The following USP22 variants were observed in gnomAD, a reference collection of about 807,000 sequenced individuals.
The protein encoded by USP22 is ubiquitin specific peptidase 22, also known as ubiquitin carboxyl-terminal hydrolase 22.
Under a neutral mutation model 68.1 loss-of-function variants are expected in USP22, and 22 were observed. That is an observed-to-expected ratio of 0.32 (90% CI 0.23 to 0.46). USP22 has a LOEUF of 0.46. USP22 is among the 20% of genes least tolerant of loss of function. The pLI, the probability that USP22 is intolerant of heterozygous loss-of-function variation, is 1.00. For synonymous variants in USP22, 279 were observed against 274.2 expected (o/e 1.02, Z -0.17); for missense variants, 433 against 695.8 (o/e 0.62, Z 4.25).
intron 11 of USP22, among the ~76,000 whole-genome samples, 193 bp downstream of exon 11, chr17:21,004,735 G>A (rs1913724357): frequency 6.6e-6 from 1 of 152,234 alleles, no homozygotes; most frequent in Non-Finnish European, 1.5e-5. Flanking sequence ...CAACAGGAGG[G>A]AGCATTTGTG....
chr17:21,024,644 C>A (rs1335979378), intron 2 of USP22, among the ~76,000 whole-genome samples: 1 of 152,190 alleles, frequency 6.6e-6, no homozygotes, highest in Non-Finnish European at 1.5e-5. Flanking sequence ...ATTCTTAGAT[C>A]TGACACAAAA....
rs1913583243 is a variant in USP22 at position 21,001,676 on chromosome 17, A to G, written c.*1355T>C. 1.3e-5 allele frequency: 2 copies of G among 152,224 alleles called. No individual in the cohort carries two copies. The highest frequency in any genetic ancestry group is 4.8e-5 in the African/African-American group (2 of 41,438). The allele number at this position is 152,224 out of a possible 1,614,324, so 9.4% of individuals were successfully genotyped here. A position where few individuals can be genotyped will look rare whatever the true frequency, so the allele number is the denominator to read the frequency against. On this transcript the variant is annotated 3_prime_UTR_variant, in exon 13 of 13. Coordinates refer to ENST00000261497, the MANE Select transcript of USP22 (RefSeq NM_015276.2). ...TGCAGGACTGAAGAAGCCTCAGTTC[A>G]GATGCTGCTGGGGCTCCTGGGACAA...
chr17:21,003,170 T>C, intron 12 of USP22, 97 bp from the exon 13 acceptor site: 1 of 1,463,206 alleles, frequency 6.8e-7, no homozygotes, highest in South Asian at 1.1e-5. Flanking sequence ...CTCTGCGCTC[T>C]GCACAGGTCG....
intron 6 of USP22, 140 bp from the exon 7 acceptor site, chr17:21,013,075 A>G: frequency 1.6e-6 from 1 of 633,742 alleles, no homozygotes; most frequent in Non-Finnish European, 2.8e-6. Flanking sequence ...TCCTCATTTT[A>G]GCAGAGGGTG....
At chr17:21,035,955 C>A (rs1972348521) in intron 1 of USP22, among the ~76,000 whole-genome samples, 1 of 144,774 alleles carries the variant, frequency 6.9e-6, no homozygotes, top group Non-Finnish European at 1.5e-5. Flanking sequence ...GGCGTGAACC[C>A]AGGAGGCGGA....
At chr17:21,006,514 T>A (rs1913785020) in intron 10 of USP22, 1 of 151,936 alleles carries the variant, frequency 6.6e-6, no homozygotes, top group Non-Finnish European at 1.5e-5. Context: ...GTCATTTTTT[T>A]TTTTTTTTTT....
chr17:21,041,134 C>A (rs550787165), intron 1 of USP22, among the ~76,000 whole-genome samples: 17 of 152,042 alleles, frequency 1.1e-4, no homozygotes, highest in African/African-American at 4.1e-4. Context: ...CTGCCCCCCT[C>A]GGCCTCCCCA....
chr17:21,017,847 G>GT, intron 5 of USP22, 95 bp downstream of exon 5: 14 of 1,452,282 alleles, frequency 9.6e-6, no homozygotes, highest in South Asian at 1.3e-5. Flanking sequence ...GGTTCTAAAT[G>GT]TATCTTCCTT....
At chr17:21,018,725 G>A (rs1972119003) in intron 4 of USP22, among the ~76,000 whole-genome samples, 1 of 152,042 alleles carries the variant, frequency 6.6e-6, no homozygotes, top group Admixed American at 6.6e-5. Context: ...AGTTTTAAAG[G>A]GTATTCCCTC....
chr17:21,014,170 TC>T (rs1268158919), intron 6 of USP22, among the ~76,000 whole-genome samples: 25 of 152,378 alleles, frequency 1.6e-4, no homozygotes, highest in African/African-American at 5.3e-4. Context: ...CCAGGCCACC[TC>T]GCTGAACAGC....
rs563553417 is a variant in USP22, at chr17:21,034,045, G to A, written c.172-5371C>T. Among the ~76,000 whole-genome samples the A allele has an allele frequency of 1.6e-4, 24 of 151,828 alleles. No individual in the cohort carries two copies. The East Asian group carries it at 2.9e-3, about 18-fold the overall frequency. On this transcript the variant is annotated intron_variant, in intron 1 of 12. Transcript: ENST00000261497. ...ATTACAGGCATGAGCCACCGTGCCC[G>A]GCCTAAATATTCTATCCTTTATATG...
chr17:21,017,514 T>C (rs999808497), intron 5 of USP22, among the ~76,000 whole-genome samples: 1 of 152,176 alleles, frequency 6.6e-6, no homozygotes, highest in Admixed American at 6.5e-5. Context: ...GCGTAGCTCA[T>C]GAGGACAGAG....
At chr17:21,023,369 G>A (rs1972180771) in intron 2 of USP22, among the ~76,000 whole-genome samples, 1 of 152,042 alleles carries the variant, frequency 6.6e-6, no homozygotes, top group South Asian at 2.1e-4. Context: ...AACTGGGAGA[G>A]AAACCCGGCG....
At chr17:21,019,224 G>C in intron 3 of USP22, 39 bp from the exon 4 acceptor site, 1 of 1,586,204 alleles carries the variant, frequency 6.3e-7, no homozygotes, top group South Asian at 1.1e-5. Context: ...CTATTAGCTA[G>C]ATTTTCACAT....
chr17:21,000,268 G>C lies in USP22; in HGVS notation c.*2763C>G, dbSNP rs1913515438. 6.6e-6 allele frequency: 1 copy of C among 152,176 alleles called. No homozygotes were observed. Among genetic ancestry groups the C allele is most frequent in the Admixed American group, 6.5e-5 (1 of 15,282 alleles). The allele number at this position is 152,176 out of a possible 1,614,324, so 9.4% of individuals were successfully genotyped here. On this transcript the variant is annotated 3_prime_UTR_variant, in exon 13 of 13. Coordinates refer to ENST00000261497, the MANE Select transcript of USP22 (RefSeq NM_015276.2). ...AGATGGGGAGCTAAAAGAAATTCCT[G>C]AACCCAACGCGTAAATATTTTGTTC...
rs1972457493 is a variant in USP22, at chr17:21,042,766, A to G, written c.70T>C (p.Ser24Pro). ...AELAVAPPGC[S>P]HLGSFKVDNW... Reference sequence around the variant, plus strand: ...TCCACCTTGAAGCTGCCCAGGTGCGAGCAGCCCGGCGGCGCTACCGCCAGC... The same window carrying G: ...TCCACCTTGAAGCTGCCCAGGTGCGGGCAGCCCGGCGGCGCTACCGCCAGC... Residue 24 changes from serine to proline, a missense_variant, in exon 1 of 13, where the codon TCG (serine) becomes CCG (proline). Transcript: ENST00000261497. 1 of 1,497,848 alleles carries G rather than the reference A, an allele frequency of 6.7e-7. No homozygotes were observed. 92.8% of individuals were successfully genotyped at this position (1,497,848 alleles called of 1,614,324 possible).
intron 2 of USP22, among the ~76,000 whole-genome samples, chr17:21,027,446 C>A (rs1279240873): frequency 6.6e-6 from 1 of 152,022 alleles, no homozygotes. Flanking sequence ...TCCAATAGGT[C>A]TTTCTAGGCT....
At chr17:21,023,627 A>G (rs1385890848) in intron 2 of USP22, among the ~76,000 whole-genome samples, 1 of 141,842 alleles carries the variant, frequency 7.1e-6, no homozygotes, top group Non-Finnish European at 1.5e-5. Flanking sequence ...CCTGGGCGAG[A>G]GTGCCAGACT....
At position 21,013,837 on chromosome 17, in the gene USP22, G is replaced by A. The variant is rs999112801; in HGVS notation, c.839-902C>T. ...CGCCTGTAATCCCAGCACTTTGGGAGGCCAAGGCGGGCGGATCACGAGGTT... is the reference window on the plus strand; with the variant it reads ...CGCCTGTAATCCCAGCACTTTGGGAAGCCAAGGCGGGCGGATCACGAGGTT... On this transcript the variant is annotated intron_variant, in intron 6 of 12. Coordinates refer to ENST00000261497, the MANE Select transcript of USP22 (RefSeq NM_015276.2). Among the ~76,000 whole-genome samples the A allele has an allele frequency of 4.6e-5, 7 of 152,256 alleles. No homozygotes were observed. The East Asian group carries it at 1.3e-3, about 29-fold the overall frequency.
Sources: gnomAD v4.1 joint callset for allele counts (sites outside exome capture counted in the v4.1 genomes callset) on GRCh38, gnomAD v4.1.1 for gene constraint, MANE v1.5 for transcripts, NCBI Gene and HGNC (gene_info 2026-07-23, HGNC 2026-07-21) for gene names.